The following UBE2D3 variants were observed in gnomAD, a reference collection of about 807,000 sequenced individuals.
The protein encoded by UBE2D3 is ubiquitin-conjugating enzyme E2 D3.
A neutral mutation model predicts 22.8 loss-of-function variants in UBE2D3; 2 were observed. The observed-to-expected ratio is 0.09, with a 90% CI of 0.04 to 0.28. The LOEUF is 0.28. UBE2D3 is among the 10% of genes least tolerant of loss of function. UBE2D3 has a pLI of 1.00. For synonymous variants in UBE2D3, 56 were observed against 60.4 expected (o/e 0.93, Z 0.34); for missense variants, 27 against 182.5 (o/e 0.15, Z 4.91).
intron 4 of UBE2D3, among the ~76,000 whole-genome samples, chr4:102,803,956 A>C (rs901014940): frequency 2.0e-5 from 3 of 151,984 alleles, no homozygotes; most frequent in African/African-American, 7.3e-5. Context: ...TTTAGTAGAG[A>C]CTGAGTTTCA....
chr4:102,804,679 TTTTG>T (rs757544658), intron 4 of UBE2D3, among the ~76,000 whole-genome samples: 1 of 151,572 alleles, frequency 6.6e-6, no homozygotes, highest in Non-Finnish European at 1.5e-5. Flanking sequence ...CTAAAGTTGT[TTTTG>T]TTTTTTTTGA....
intron 2 of UBE2D3, among the ~76,000 whole-genome samples, chr4:102,814,964 T>C (rs368818899): frequency 6.6e-6 from 1 of 152,190 alleles, no homozygotes; most frequent in African/African-American, 2.4e-5. Context: ...TTTACATTTA[T>C]TTACTCATAA....
rs561208307 is a variant in UBE2D3 at position 102,805,486 on chromosome 4, G to A, written c.121-2848C>T. Among the ~76,000 whole-genome samples the A allele has an allele frequency of 1.1e-3, 165 of 149,388 alleles. 2 individuals are homozygous for A. Among genetic ancestry groups the A allele is most frequent in the African/African-American group, 4.1e-3 (163 of 40,006 alleles). ...CTCAGCTCTTCTGTGGCAATAAAAC[G>A]TTGGTATTCTTTTTTTTTTTTTTTT... On this transcript the variant is annotated intron_variant, in intron 4 of 7. Coordinates refer to ENST00000453744, the MANE Select transcript of UBE2D3 (RefSeq NM_181891.3).
At chr4:102,811,647 G>A (rs146663242) in intron 2 of UBE2D3, 2 of 335,304 alleles carry the variant, frequency 6.0e-6, no homozygotes, top group African/African-American at 4.5e-5. Flanking sequence ...ACTCCAGCCT[G>A]GGGAAAAGAG....
chr4:102,857,671 G>A (rs1380444717), intron 1 of UBE2D3, among the ~76,000 whole-genome samples: 1 of 152,054 alleles, frequency 6.6e-6, no homozygotes, highest in Non-Finnish European at 1.5e-5. Flanking sequence ...TCTGTAACAT[G>A]TATATATATT....
intron 2 of UBE2D3, chr4:102,825,993 T>C: frequency 3.4e-6 from 1 of 295,778 alleles, no homozygotes; most frequent in Non-Finnish European, 6.7e-6. Flanking sequence ...CAAGACTTCT[T>C]CTACCCGACC....
intron 2 of UBE2D3, among the ~76,000 whole-genome samples, chr4:102,813,604 A>T (rs1469225839): frequency 6.6e-6 from 1 of 152,242 alleles, no homozygotes; most frequent in African/African-American, 2.4e-5. Context: ...CAGGCTGGGA[A>T]CAAATACAAA....
intron 1 of UBE2D3, among the ~76,000 whole-genome samples, chr4:102,845,021 CAAAAAA>C (rs386401015): frequency 3.2e-5 from 3 of 93,648 alleles, no homozygotes; most frequent in South Asian, 3.6e-4. Flanking sequence ...GACTCCATCT[CAAAAAA>C]AAAAAAAAAA....
At chr4:102,830,125 C>A (rs1731042835), upstream of UBE2D3, among the ~76,000 whole-genome samples, 1 of 152,084 alleles carries the variant, frequency 6.6e-6, no homozygotes, top group African/African-American at 2.4e-5. Context: ...TGGTTAAAAT[C>A]AAAAGAAACA....
chr4:102,837,952 T>C (rs1187678011), intron 1 of UBE2D3, among the ~76,000 whole-genome samples: 4 of 151,984 alleles, frequency 2.6e-5, no homozygotes, highest in Non-Finnish European at 4.4e-5. Context: ...AGACTCTGTC[T>C]CAAAAAATAT....
chr4:102,816,715 G>A (rs1036868745), intron 2 of UBE2D3, among the ~76,000 whole-genome samples: 1 of 152,122 alleles, frequency 6.6e-6, no homozygotes, highest in Non-Finnish European at 1.5e-5. Context: ...AATTGAATTA[G>A]GAGTAACAAG....
chr4:102,807,144 A>G (rs1727189736), intron 4 of UBE2D3, among the ~76,000 whole-genome samples: 1 of 152,202 alleles, frequency 6.6e-6, no homozygotes, highest in African/African-American at 2.4e-5. Flanking sequence ...AGTAGTCCAA[A>G]GCAAAAGTGA....
At chr4:102,827,723 T>G, upstream of UBE2D3, 1 of 985,656 alleles carries the variant, frequency 1.0e-6, no homozygotes, top group African/African-American at 1.7e-5. Flanking sequence ...TTCCTTCTTC[T>G]CGGAACAGCA....
At chr4:102,799,553 A>C in intron 6 of UBE2D3, 53 bp from the exon 7 acceptor site, 12 of 1,441,350 alleles carry the variant, frequency 8.3e-6, no homozygotes, top group Non-Finnish European at 1.2e-5. Flanking sequence ...TGGATAAATA[A>C]ATTTTTCTAA....
chr4:102,822,403 T>C (rs563688529), intron 2 of UBE2D3, among the ~76,000 whole-genome samples: 44 of 152,338 alleles, frequency 2.9e-4, no homozygotes, highest in African/African-American at 9.9e-4. Flanking sequence ...ATATATTTTG[T>C]TCACTCTAAG....
intron 2 of UBE2D3, among the ~76,000 whole-genome samples, chr4:102,820,948 T>C (rs1192508642): frequency 6.6e-6 from 1 of 152,170 alleles, no homozygotes; most frequent in Non-Finnish European, 1.5e-5. Flanking sequence ...TCTTTTACAA[T>C]AGATTATGTT....
chr4:102,839,270 C>G (rs1731606169), intron 1 of UBE2D3, among the ~76,000 whole-genome samples: 1 of 151,964 alleles, frequency 6.6e-6, no homozygotes, highest in Non-Finnish European at 1.5e-5. Context: ...CTTTCTTCTT[C>G]TTTCTTACTT....
intron 4 of UBE2D3, among the ~76,000 whole-genome samples, chr4:102,803,685 TG>T (rs1726562485): frequency 6.6e-6 from 1 of 152,216 alleles, no homozygotes; most frequent in African/African-American, 2.4e-5. Context: ...TCATGAAATA[TG>T]AACAAGGGAC....
At chr4:102,827,178 G>GCGCC (rs1236349056) in intron 1 of UBE2D3, 1 of 986,856 alleles carries the variant, frequency 1.0e-6, no homozygotes, top group African/African-American at 1.7e-5. Context: ...GCTCCCGCGC[G>GCGCC]CGCCCGCCCA....
Sources: gnomAD v4.1 joint callset for allele counts (sites outside exome capture counted in the v4.1 genomes callset) on GRCh38, gnomAD v4.1.1 for gene constraint, MANE v1.5 for transcripts, NCBI Gene and HGNC (gene_info 2026-07-23, HGNC 2026-07-21) for gene names.